The following PCYT1B variants were observed in gnomAD, a reference collection of about 807,000 sequenced individuals.
PCYT1B encodes phosphate cytidylyltransferase 1B, choline.
A neutral mutation model predicts 26.4 loss-of-function variants in PCYT1B; 10 were observed. The observed-to-expected ratio is 0.38, with a 90% CI of 0.23 to 0.64. The LOEUF (loss-of-function observed/expected upper bound fraction) is 0.64. PCYT1B is among the 30% of genes least tolerant of loss of function. The pLI, the probability that PCYT1B is intolerant of heterozygous loss-of-function variation, is 0.56. For missense variants in PCYT1B, 161 were observed against 292.7 expected (o/e 0.55, Z 3.28); for synonymous variants, 131 against 108.4 (o/e 1.21, Z -1.29).
chrX:24,664,963 A>C (rs1486773349), intron 1 of PCYT1B, among the ~76,000 whole-genome samples: 1 of 111,698 alleles, frequency 9.0e-6, no homozygotes, highest in Admixed American at 9.6e-5. Context: ...CTCAAAAAAA[A>C]AATTAAAATT....
At chrX:24,600,996 C>T (rs1924941456) in intron 3 of PCYT1B, among the ~76,000 whole-genome samples, 1 of 110,888 alleles carries the variant, frequency 9.0e-6, no homozygotes, top group South Asian at 3.8e-4. Context: ...ATGTAAATGC[C>T]AAACTATATG....
At position 24,561,287 on chromosome X, in the gene PCYT1B, A is replaced by G. The variant is rs757739538; in HGVS notation, c.*1006T>C. The G allele has an allele frequency of 3.9e-4, 44 of 111,953 alleles. No homozygotes were observed. Among genetic ancestry groups the G allele is most frequent in the African/African-American group, 1.3e-3 (41 of 30,707 alleles). 9.2% of individuals were successfully genotyped at this position (111,953 alleles called of 1,213,427 possible). ...TATATACTCATATTGCACATGGGAT[A>G]CACCCGGGGATGACATATTGGAGCA... On this transcript the variant is annotated 3_prime_UTR_variant, in exon 8 of 8. Transcript: ENST00000379144.
upstream of PCYT1B, among the ~76,000 whole-genome samples, chrX:24,650,618 G>A (rs1035707850): frequency 4.5e-5 from 5 of 111,877 alleles, no homozygotes; most frequent in East Asian, 2.8e-4. Context: ...CACTGTGGCC[G>A]TCCAAGAATC....
intron 2 of PCYT1B, among the ~76,000 whole-genome samples, chrX:24,608,489 TATA>T (rs1421558316): frequency 1.8e-5 from 2 of 111,672 alleles, no homozygotes; most frequent in Non-Finnish European, 3.8e-5. Flanking sequence ...ACCTCTTTGG[TATA>T]ATAAGAGATT....
At chrX:24,605,236 C>T (rs984059) in intron 3 of PCYT1B, among the ~76,000 whole-genome samples, 55,682 of 110,360 alleles carry the variant, frequency 0.5, 10,472 homozygotes, top group East Asian at 0.76. Flanking sequence ...CCTTAAGATA[C>T]ACAAATCAAA....
chrX:24,564,048 G>A (rs901453972), intron 7 of PCYT1B, among the ~76,000 whole-genome samples: 2 of 110,812 alleles, frequency 1.8e-5, no homozygotes, highest in African/African-American at 6.6e-5. Context: ...TGGGCAGGGT[G>A]GTGGGCACCT....
chrX:24,578,937 G>T (rs948504167), intron 6 of PCYT1B, among the ~76,000 whole-genome samples: 3 of 111,118 alleles, frequency 2.7e-5, no homozygotes, highest in African/African-American at 9.8e-5. Context: ...TGTAAAATGG[G>T]GATAATAATA....
chrX:24,596,643 C>T (rs1007778562), intron 3 of PCYT1B, among the ~76,000 whole-genome samples: 4 of 108,207 alleles, frequency 3.7e-5, no homozygotes, highest in Non-Finnish European at 7.7e-5. Context: ...AAAACCATGA[C>T]GATTGTGGTG....
At chrX:24,614,075 G>C (rs138486837) in intron 2 of PCYT1B, among the ~76,000 whole-genome samples, 55 of 110,919 alleles carry the variant, frequency 5.0e-4, no homozygotes, top group African/African-American at 1.8e-3. Context: ...TTTATGTCAA[G>C]ACAGGATTTA....
intron 1 of PCYT1B, among the ~76,000 whole-genome samples, chrX:24,625,587 G>A (rs1199723463): frequency 9.2e-6 from 1 of 108,289 alleles, no homozygotes; most frequent in Admixed American, 1.0e-4. Context: ...ATTTAGTTAT[G>A]TATGGAATGT....
chrX:24,596,449 A>G (rs1924782669), intron 3 of PCYT1B, among the ~76,000 whole-genome samples: 1 of 109,955 alleles, frequency 9.1e-6, no homozygotes, highest in South Asian at 4.0e-4. Flanking sequence ...AAAGTTAACC[A>G]GGTGTGGTGG....
At chrX:24,616,418 T>C (rs953060301) in intron 2 of PCYT1B, among the ~76,000 whole-genome samples, 4 of 109,945 alleles carry the variant, frequency 3.6e-5, no homozygotes, top group Admixed American at 1.9e-4. Context: ...TTTGTATTTT[T>C]AGTAGAGACA....
At chrX:24,640,062 A>T (rs1434504438) in intron 1 of PCYT1B, among the ~76,000 whole-genome samples, 1 of 112,134 alleles carries the variant, frequency 8.9e-6, no homozygotes. Context: ...AAGGAACGAA[A>T]GAAGGAAGGG....
intron 2 of PCYT1B, among the ~76,000 whole-genome samples, chrX:24,616,762 C>CT (rs1925512995): frequency 1.8e-5 from 2 of 111,281 alleles, no homozygotes; most frequent in South Asian, 7.5e-4. Context: ...AGCCTGGGAA[C>CT]AACAGCTTTG....
At chrX:24,615,370 C>A (rs1013533946) in intron 2 of PCYT1B, among the ~76,000 whole-genome samples, 2 of 111,499 alleles carry the variant, frequency 1.8e-5, no homozygotes, top group Non-Finnish European at 3.8e-5. Context: ...TGTACAGGTG[C>A]CCAATTTCAC....
chrX:24,632,071 G>C (rs888960332), intron 1 of PCYT1B, among the ~76,000 whole-genome samples: 1 of 112,312 alleles, frequency 8.9e-6, no homozygotes, highest in African/African-American at 3.2e-5. Context: ...CCATTACCCT[G>C]AACTGGAATA....
intron 1 of PCYT1B, among the ~76,000 whole-genome samples, chrX:24,668,978 T>C (rs1569261538): frequency 9.0e-6 from 1 of 111,538 alleles, no homozygotes; most frequent in Non-Finnish European, 1.9e-5. Context: ...CTTATCTATA[T>C]TATTAATTTG....
At chrX:24,654,491 C>T (rs1172684549) in intron 1 of PCYT1B, among the ~76,000 whole-genome samples, 14 of 102,827 alleles carry the variant, frequency 1.4e-4, no homozygotes, top group Non-Finnish European at 2.4e-4. Flanking sequence ...TGACTCACAC[C>T]TGTAATCCTA....
chrX:24,628,917 T>C (rs1925961480), intron 1 of PCYT1B, among the ~76,000 whole-genome samples: 1 of 112,150 alleles, frequency 8.9e-6, no homozygotes, highest in Admixed American at 9.5e-5. Flanking sequence ...ATTTTAAAGA[T>C]AAATATTTGA....
Sources: gnomAD v4.1 joint callset for allele counts (sites outside exome capture counted in the v4.1 genomes callset) on GRCh38, gnomAD v4.1.1 for gene constraint, MANE v1.5 for transcripts, NCBI Gene and HGNC (gene_info 2026-07-23, HGNC 2026-07-21) for gene names.